SLC18B1: variants seen among roughly 807,000 people sequenced by gnomAD.
SLC18B1 encodes the protein solute carrier family 18 member B1, also known as MFS-type transporter SLC18B1.
Under a neutral mutation model 53.9 loss-of-function variants are expected in SLC18B1, and 62 were observed. That is an observed-to-expected ratio of 1.15 (90% CI 0.94 to 1.42). The LOEUF is 1.42. SLC18B1 is among the 40% of genes most tolerant of loss of function. The probability of loss-of-function intolerance (pLI) is 0.00; values close to 1 mark genes in which losing one functional copy is unlikely to be tolerated. For missense variants in SLC18B1, 598 were observed against 547.3 expected, an observed-to-expected ratio of 1.09 and a Z score of -0.93; for synonymous variants, 217 against 200.9, an observed-to-expected ratio of 1.08 and a Z score of -0.68.
intron 6 of SLC18B1, among the ~76,000 whole-genome samples, chr6:132,780,654 T>G (rs886302068): frequency 7.0e-6 from 1 of 143,034 alleles, no homozygotes; most frequent in African/African-American, 2.6e-5. Flanking sequence ...CTCCACCTCC[T>G]GGGCTCAAGC....
At chr6:132,770,474 G>T in intron 13 of SLC18B1, 138 bp from the exon 14 acceptor site, 1 of 701,292 alleles carries the variant, frequency 1.4e-6, no homozygotes, top group Non-Finnish European at 2.4e-6. Context: ...GGTGGCTCAC[G>T]CCTGTAATCC....
intron 6 of SLC18B1, among the ~76,000 whole-genome samples, chr6:132,780,573 T>G (rs1281012184): frequency 9.6e-5 from 14 of 145,382 alleles, no homozygotes; most frequent in Non-Finnish European, 1.8e-4. Flanking sequence ...TAGTTTTTTT[T>G]TTTTTTTTTT....
chr6:132,789,162 G>GA (rs1235591319), intron 4 of SLC18B1, among the ~76,000 whole-genome samples: 1 of 152,096 alleles, frequency 6.6e-6, no homozygotes, highest in African/African-American at 2.4e-5. Context: ...AGCAATGGGG[G>GA]AAACCATTTT....
intron 7 of SLC18B1, among the ~76,000 whole-genome samples, chr6:132,777,213 C>T (rs1781120814): frequency 6.6e-6 from 1 of 151,906 alleles, no homozygotes; most frequent in Non-Finnish European, 1.5e-5. Context: ...TATATTCTAG[C>T]CTGGGTGACA....
In SLC18B1 at chr6:132,771,509, CAAAT is replaced by C. The variant is rs376602433; in HGVS notation, c.1161-384_1161-381del. Among the ~76,000 whole-genome samples, 72 of 152,116 alleles carry C rather than the reference CAAAT, an allele frequency of 4.7e-4. 1 individual carries two copies. The highest frequency in any genetic ancestry group is 1.0e-3 in the African/African-American group (43 of 41,508). On this transcript the variant is annotated intron_variant, in intron 11 of 13. Transcript: ENST00000275227. ...CTTCTGGTAGAAGGTAAAAAATAAACAAATGAATGAATAAATGAATAAATTGTAA... is the reference window on the plus strand; with the variant it reads ...CTTCTGGTAGAAGGTAAAAAATAAACGAATGAATAAATGAATAAATTGTAA...
chr6:132,794,484 C>A (rs955098776), intron 2 of SLC18B1, among the ~76,000 whole-genome samples: 3 of 152,042 alleles, frequency 2.0e-5, no homozygotes, highest in African/African-American at 7.3e-5. Flanking sequence ...CTGATGACTG[C>A]CCACTGACTA....
intron 7 of SLC18B1, among the ~76,000 whole-genome samples, chr6:132,778,256 A>C (rs1781146505): frequency 6.6e-6 from 1 of 152,116 alleles, no homozygotes; most frequent in African/African-American, 2.4e-5. Flanking sequence ...CTGGATGTAT[A>C]CGTGCAGGTC....
intron 8 of SLC18B1, among the ~76,000 whole-genome samples, chr6:132,774,627 G>A (rs909060882): frequency 6.6e-5 from 10 of 152,068 alleles, no homozygotes; most frequent in East Asian, 1.9e-4. Flanking sequence ...AGCAGTAACC[G>A]GCCAGGCACG....
At position 132,797,077 on chromosome 6, in the gene SLC18B1, A is replaced by G. The variant is rs41286192; in HGVS notation, c.88T>C (p.Ser30Pro). The G allele has an allele frequency of 0.033, 53,059 of 1,614,074 alleles. 1,288 individuals carry two copies. The highest frequency in any genetic ancestry group is 0.12 in the Admixed American group (7,125 of 59,988). Residue 30 changes from serine (S) to proline (P), a missense_variant, in exon 2 of 14, where the codon TCG (serine) becomes CCG (proline). Physicochemically the swap from Ser to Pro is moderately conservative, Grantham distance 74. Coordinates refer to ENST00000275227, the MANE Select transcript of SLC18B1 (RefSeq NM_052831.3). ...ATCAGTACAAAAACCTGTTCTCTCG[A>G]AAGCCACCCGGGGGTCTCTCCTGCA... Reference protein sequence around the residue: ...GSAGETPGWLSREQVFVLISA... With the variant: ...GSAGETPGWLPREQVFVLISA...
At chr6:132,786,417 C>T (rs949784999) in intron 5 of SLC18B1, among the ~76,000 whole-genome samples, 2 of 151,802 alleles carry the variant, frequency 1.3e-5, no homozygotes, top group African/African-American at 4.8e-5. Context: ...GGTGTGGTGG[C>T]GGGCGCCTGT....
Position 132,790,192 on chromosome 6 carries a change from C to T in SLC18B1, c.264G>A (p.Leu88=). The T allele has an allele frequency of 6.4e-7, 1 of 1,568,186 alleles. No homozygotes were observed. ...CFALFELLAS[L]VFGNYLVHIG... ...TTATACTTACATAGTTTCCAAATACCAAGGATGCCAGCAACTCGAACAAAG... is the reference window on the plus strand; with the variant it reads ...TTATACTTACATAGTTTCCAAATACTAAGGATGCCAGCAACTCGAACAAAG... The change falls in exon 3 of 14, where the codon TTG becomes TTA. Residue 88 remains leucine (L), a synonymous_variant. Coordinates refer to ENST00000275227, the MANE Select transcript of SLC18B1 (RefSeq NM_052831.3).
intron 4 of SLC18B1, 198 bp downstream of exon 4, chr6:132,789,565 TC>T (rs1328909750): frequency 2.1e-6 from 1 of 479,218 alleles, no homozygotes; most frequent in Admixed American, 3.4e-5. Flanking sequence ...ATCACGGAGA[TC>T]CCCCGGAGGC....
rs569682318 is a variant in SLC18B1, at chr6:132,774,794, C to A, written c.898-481G>T. On this transcript the variant is annotated intron_variant, in intron 8 of 13. Coordinates refer to ENST00000275227, the MANE Select transcript of SLC18B1 (RefSeq NM_052831.3). Reference sequence around the variant, plus strand: ...GGCAGGGTGGTGGACATCTGTAATCCCAGCTACTCAGGAAGCTGAGGCAGG... The same window carrying A: ...GGCAGGGTGGTGGACATCTGTAATCACAGCTACTCAGGAAGCTGAGGCAGG... Among the ~76,000 whole-genome samples, 146 of 151,874 alleles carry A rather than the reference C, an allele frequency of 9.6e-4. 1 individual carries two copies. The highest frequency in any genetic ancestry group is 3.5e-3 in the African/African-American group (143 of 41,392).
intron 8 of SLC18B1, among the ~76,000 whole-genome samples, chr6:132,775,465 C>T (rs900606320): frequency 6.6e-6 from 1 of 152,146 alleles, no homozygotes; most frequent in Non-Finnish European, 1.5e-5. Context: ...AACCAAGCTC[C>T]AAACACTGTT....
chr6:132,779,348 G>C lies in SLC18B1; in HGVS notation c.715C>G (p.Leu239Val), dbSNP rs1781172603. 2 of 1,613,794 alleles carry C rather than the reference G, an allele frequency of 1.2e-6. No homozygotes were observed. Among genetic ancestry groups the C allele is most frequent in the Non-Finnish European group, 1.7e-6 (2 of 1,179,934 alleles). The change falls in exon 7 of 14, where the codon CTT (leucine) becomes GTT (valine). Residue 239 changes from leucine to valine, a missense_variant. By Grantham distance (32) the Leu-to-Val change is conservative (BLOSUM62 1). Coordinates refer to ENST00000275227, the MANE Select transcript of SLC18B1 (RefSeq NM_052831.3). ...AGTGAGTTGATGACGAAGGCTATAA[G>C]GCCAACTTTGGGTAAAGCGATCAGT... ...WKLIALPKVG[L>V]IAFVINSLSS...
Position 132,789,766 on chromosome 6 carries a change from A to G in SLC18B1, c.351T>C (p.Phe117=). Residue 117 remains phenylalanine (F), a splice_region_variant and synonymous_variant, in exon 4 of 14, where the codon TTT becomes TTC. Coordinates refer to ENST00000275227, the MANE Select transcript of SLC18B1 (RefSeq NM_052831.3). ...AATATAATCAGAAAATGACTTACCCAAAGAGAATTGTAACTCCTCCTGAGA... is the reference window on the plus strand; with the variant it reads ...AATATAATCAGAAAATGACTTACCCGAAGAGAATTGTAACTCCTCCTGAGA... ...MFVSGGVTIL[F]GVLDRVPDGP... 1 of 1,611,346 alleles carries G rather than the reference A, an allele frequency of 6.2e-7. No individual in the cohort carries two copies. The highest frequency in any genetic ancestry group is 8.5e-7 in the Non-Finnish European group (1 of 1,177,550).
chr6:132,790,474 T>C (rs1403927076), intron 2 of SLC18B1, among the ~76,000 whole-genome samples: 1 of 152,160 alleles, frequency 6.6e-6, no homozygotes, highest in African/African-American at 2.4e-5. Context: ...GTCTCTTACA[T>C]GAAAATAATT....
intron 2 of SLC18B1, among the ~76,000 whole-genome samples, chr6:132,790,859 C>A (rs926678819): frequency 7.2e-5 from 11 of 152,120 alleles, no homozygotes; most frequent in Non-Finnish European, 2.9e-5. Context: ...TGACATTCTA[C>A]GTTCTCCTGA....
rs1405438010 is a variant in SLC18B1, at chr6:132,772,179, A to C, written c.1113T>G (p.Ser371Arg). ...AHENGFEEGL[S>R]TLGLVSGLFS... ...AAAGACCTGATACAAGTCCCAATGT[A>C]CTTAATCCCTCTTCAAACCCATTTT... is the stretch of plus-strand genomic sequence containing the variant. Residue 371 changes from serine (S) to arginine (R), a missense_variant, in exon 11 of 14, where the codon AGT becomes AGG. By Grantham distance (110) the Ser-to-Arg change is moderately radical. Coordinates refer to ENST00000275227, the MANE Select transcript of SLC18B1 (RefSeq NM_052831.3). The C allele has an allele frequency of 6.3e-7, 1 of 1,579,962 alleles. No homozygotes were observed. The highest frequency in any genetic ancestry group is 1.4e-5 in the African/African-American group (1 of 72,130).
Sources: allele counts gnomAD v4.1 joint callset (sites outside exome capture counted in the v4.1 genomes callset), GRCh38; gene constraint gnomAD v4.1.1; transcripts MANE v1.5; gene names NCBI Gene and HGNC (gene_info 2026-07-23, HGNC 2026-07-21).